The following CPNE4 variants were observed in gnomAD, a reference collection of about 807,000 sequenced individuals.
The protein encoded by CPNE4 is copine 4.
CPNE4 carries 25 observed loss-of-function variants against 67.9 expected under a neutral mutation model. The ratio of observed to expected loss-of-function variants is 0.37; its 90% CI spans 0.27 to 0.51. CPNE4 has a LOEUF of 0.51. Ranked by LOEUF, CPNE4 falls within the 20% of genes least tolerant of loss-of-function variation. The pLI is 0.93. For missense variants in CPNE4, 464 were observed against 690.8 expected (o/e 0.67, Z 3.68); for synonymous variants, 242 against 244.9 (o/e 0.99, Z 0.11).
rs1020239044 is a variant in CPNE4, at chr3:131,620,354, G to T, written c.682-32772C>A. 7 of 512,834 alleles carry T rather than the reference G, an allele frequency of 1.4e-5. No individual in the cohort carries two copies. The African/African-American group carries it at 1.5e-4, about 11-fold the overall frequency. 31.8% of individuals were successfully genotyped at this position (512,834 alleles called of 1,614,324 possible). On this transcript the variant is annotated intron_variant, in intron 7 of 15. Transcript: ENST00000429747. ...CAAGAAGTGATGTTAAGTGTTTAAA[G>T]GTTTTAAATTGACAAACTAGGCTAC...
At chr3:131,638,095 T>C (rs2107789779) in intron 7 of CPNE4, among the ~76,000 whole-genome samples, 1 of 151,998 alleles carries the variant, frequency 6.6e-6, no homozygotes, top group Non-Finnish European at 1.5e-5. Context: ...AAAGCATATT[T>C]CTCACAGGAC....
intron 1 of CPNE4, among the ~76,000 whole-genome samples, chr3:131,953,260 A>T (rs1468266731): frequency 6.6e-6 from 1 of 151,072 alleles, no homozygotes; most frequent in Non-Finnish European, 1.5e-5. Flanking sequence ...AAAAAAAAAA[A>T]AAAAAAGAAT....
In CPNE4 at chr3:131,935,505, G is replaced by C. The variant is rs563089114; in HGVS notation, c.-1-30061C>G. Among the ~76,000 whole-genome samples the C allele has an allele frequency of 6.6e-5, 10 of 152,160 alleles. No homozygotes were observed. In the East Asian group the frequency reaches 1.2e-3, roughly 18 times the overall value. ...AATAGAATAAATGGGGTAGAGGAGA[G>C]AAAAAGTTGCTAAAGAAGGCAAGGA... On this transcript the variant is annotated intron_variant, in intron 1 of 15. Coordinates refer to ENST00000429747, the MANE Select transcript of CPNE4 (RefSeq NM_130808.3).
chr3:132,020,190 C>A (rs1397588768), intron 1 of CPNE4, among the ~76,000 whole-genome samples: 2 of 152,202 alleles, frequency 1.3e-5, no homozygotes, highest in East Asian at 1.9e-4. Context: ...TGTTCACTGC[C>A]TGCCTGCTTT....
chr3:131,717,218 T>A (rs998964589), intron 3 of CPNE4, among the ~76,000 whole-genome samples: 1 of 150,082 alleles, frequency 6.7e-6, no homozygotes, highest in Non-Finnish European at 1.5e-5. Flanking sequence ...TATTACTCCA[T>A]GTAAAAAACA....
intron 2 of CPNE4, among the ~76,000 whole-genome samples, chr3:131,900,979 T>C (rs555972218): frequency 3.9e-4 from 59 of 151,978 alleles, no homozygotes; most frequent in Middle Eastern, 3.4e-3. Flanking sequence ...AATGAAAAAA[T>C]TGAATTAATG....
At chr3:131,848,981 A>AAAAAAAAAAAAAAAAC (rs1297906130) in intron 2 of CPNE4, among the ~76,000 whole-genome samples, 5 of 141,668 alleles carry the variant, frequency 3.5e-5, no homozygotes, top group African/African-American at 1.0e-4. Flanking sequence ...AAAAAAAAAA[A>AAAAAAAAAAAAAAAAC]ACACAGAGAT....
At chr3:131,538,080 C>T (rs1355046823) in intron 15 of CPNE4, among the ~76,000 whole-genome samples, 2 of 152,150 alleles carry the variant, frequency 1.3e-5, no homozygotes, top group African/African-American at 2.4e-5. Flanking sequence ...CATAATGTTA[C>T]CCTTGGTTAA....
At chr3:131,998,054 G>A (rs879534641) in intron 1 of CPNE4, among the ~76,000 whole-genome samples, 12 of 152,196 alleles carry the variant, frequency 7.9e-5, no homozygotes, top group Non-Finnish European at 1.6e-4. Flanking sequence ...TGAACTTTGG[G>A]GGACAGATTC....
chr3:131,935,769 C>A (rs2071202542), intron 1 of CPNE4, among the ~76,000 whole-genome samples: 1 of 151,856 alleles, frequency 6.6e-6, no homozygotes, highest in African/African-American at 2.4e-5. Context: ...AACCAAACGT[C>A]AATCTAGCAA....
chr3:132,000,457 G>A (rs192687156), intron 1 of CPNE4, among the ~76,000 whole-genome samples: 3 of 151,752 alleles, frequency 2.0e-5, no homozygotes, highest in Non-Finnish European at 4.4e-5. Flanking sequence ...TCTACTTGTG[G>A]GGAGAGGAAG....
chr3:131,884,647 T>C (rs1280605006), intron 2 of CPNE4, among the ~76,000 whole-genome samples: 1 of 152,202 alleles, frequency 6.6e-6, no homozygotes, highest in East Asian at 1.9e-4. Context: ...ACTCCCATAA[T>C]TCCCACGTGT....
In CPNE4 at chr3:131,700,100, G is replaced by C. The variant is rs377393069; in HGVS notation, c.361-120C>G. Reference sequence around the variant, plus strand: ...TTTACAAAACTCTGCATTCACGTTTGTGTCAATTTATATTTCAGGGTTTGT... The same window carrying C: ...TTTACAAAACTCTGCATTCACGTTTCTGTCAATTTATATTTCAGGGTTTGT... On this transcript the variant is annotated intron_variant, in intron 3 of 15. Coordinates refer to ENST00000429747, the MANE Select transcript of CPNE4 (RefSeq NM_130808.3). The C allele has an allele frequency of 1.3e-4, 61 of 456,762 alleles. No individual in the cohort carries two copies. The East Asian group carries it at 2.2e-3, about 16-fold the overall frequency. 28.3% of individuals were successfully genotyped at this position (456,762 alleles called of 1,614,324 possible).
chr3:131,609,634 T>A (rs1939713135), intron 7 of CPNE4, among the ~76,000 whole-genome samples: 1 of 152,166 alleles, frequency 6.6e-6, no homozygotes. Context: ...ATTTAGTTTT[T>A]AAAAAATACA....
intron 2 of CPNE4, among the ~76,000 whole-genome samples, chr3:131,804,036 A>T (rs779427473): frequency 9.9e-5 from 15 of 152,188 alleles, no homozygotes; most frequent in Admixed American, 3.3e-4. Context: ...TCTAGAGTCA[A>T]TTAGTCTCTC....
intron 1 of CPNE4, among the ~76,000 whole-genome samples, chr3:132,011,216 A>AGAT (rs1373955872): frequency 6.6e-6 from 1 of 152,224 alleles, no homozygotes; most frequent in East Asian, 1.9e-4. Flanking sequence ...GGCCCACAGT[A>AGAT]GATAGATCCC....
At position 131,547,455 on chromosome 3, in the gene CPNE4, C is replaced by CAAAAAAAA. The variant is rs56412825; in HGVS notation, c.1302+2484_1302+2491dup. Among the ~76,000 whole-genome samples the CAAAAAAAA allele has an allele frequency of 5.5e-3, 201 of 36,544 alleles. 99 individuals carry two copies. Among genetic ancestry groups the CAAAAAAAA allele is most frequent in the Middle Eastern group, 0.042 (2 of 48 alleles). 24.0% of individuals were successfully genotyped at this position (36,544 alleles called of 152,430 possible). A position where few individuals can be genotyped will look rare whatever the true frequency, so the allele number is the denominator to read the frequency against. Reference sequence around the variant, plus strand: ...TGGGTGATAGACCAAGACCCTGTCGCAAAAAAAAAAAAAAAAAAAAAAAAA... The same window carrying CAAAAAAAA: ...TGGGTGATAGACCAAGACCCTGTCGCAAAAAAAAAAAAAAAAAAAAAAAAAAAAAAAAA... On this transcript the variant is annotated intron_variant, in intron 14 of 15. Transcript: ENST00000429747.
At chr3:131,844,113 T>C (rs1489353563) in intron 2 of CPNE4, among the ~76,000 whole-genome samples, 2 of 152,142 alleles carry the variant, frequency 1.3e-5, no homozygotes, top group Non-Finnish European at 2.9e-5. Context: ...CACCTCATCC[T>C]CGTCCCCTCT....
Position 131,986,626 on chromosome 3 carries a change from G to A in CPNE4, c.-2+47941C>T, listed in dbSNP as rs147798756. Reference sequence around the variant, plus strand: ...CATAGAACTTAAGGAGGCTGGGCCCGGTGGCTCACGCCTGTAATCCCAGCA... The same window carrying A: ...CATAGAACTTAAGGAGGCTGGGCCCAGTGGCTCACGCCTGTAATCCCAGCA... On this transcript the variant is annotated intron_variant, in intron 1 of 15. Coordinates refer to ENST00000429747, the MANE Select transcript of CPNE4 (RefSeq NM_130808.3). Among the ~76,000 whole-genome samples the A allele has an allele frequency of 5.3e-3, 805 of 152,164 alleles. 10 individuals are homozygous for A. The highest frequency in any genetic ancestry group is 0.018 in the African/African-American group (752 of 41,534).
Sources: gnomAD v4.1 joint callset for allele counts (sites outside exome capture counted in the v4.1 genomes callset) on GRCh38, gnomAD v4.1.1 for gene constraint, MANE v1.5 for transcripts, NCBI Gene and HGNC (gene_info 2026-07-23, HGNC 2026-07-21) for gene names.